The following PANK2 variants were observed in gnomAD, a reference collection of about 807,000 sequenced individuals.
PANK2 encodes the protein pantothenate kinase 2, mitochondrial.
In PANK2, 36 loss-of-function variants were observed where a neutral mutation model predicts 43.1. That is an observed-to-expected ratio of 0.84 (90% confidence interval 0.64 to 1.10). The LOEUF (loss-of-function observed/expected upper bound fraction) is 1.10. Ranked by LOEUF, PANK2 falls within the 50% of genes least tolerant of loss-of-function variation. The pLI, the probability that PANK2 is intolerant of heterozygous loss-of-function variation, is 0.00. For synonymous variants in PANK2, 281 were observed against 238.2 expected (o/e 1.18, Z -1.66); for missense variants, 576 against 593.3 (o/e 0.97, Z 0.30).
chr20:3,898,656 A>G (rs752082257), intron 1 of PANK2, among the ~76,000 whole-genome samples: 1 of 152,070 alleles, frequency 6.6e-6, no homozygotes, highest in Non-Finnish European at 1.5e-5. Context: ...TCCCAGAGTT[A>G]ATAGTTTAAA....
At position 3,923,599 on chromosome 20, in the gene PANK2, G is replaced by A; in HGVS notation, c.*305G>A. 2.2e-6 allele frequency: 1 copy of A among 455,432 alleles called. No homozygotes were observed. Among genetic ancestry groups the A allele is most frequent in the South Asian group, 2.3e-5 (1 of 43,404 alleles). 28.2% of individuals were successfully genotyped at this position (455,432 alleles called of 1,614,324 possible). A position where few individuals can be genotyped will look rare whatever the true frequency, so the allele number is the denominator to read the frequency against. Reference sequence around the variant, plus strand: ...TGCATCACTCATTGGAAGTGCTTCTGAAGAGAGCTGCTCTGTGTTCAGTTG... The same window carrying A: ...TGCATCACTCATTGGAAGTGCTTCTAAAGAGAGCTGCTCTGTGTTCAGTTG... On this transcript the variant is annotated 3_prime_UTR_variant, in exon 7 of 7. Coordinates refer to ENST00000610179, the MANE Select transcript of PANK2 (RefSeq NM_001386393.1).
chr20:3,913,858 G>A (rs903592728), intron 4 of PANK2, among the ~76,000 whole-genome samples: 4 of 147,344 alleles, frequency 2.7e-5, no homozygotes, highest in Admixed American at 6.9e-5. Context: ...GCGTGATCTC[G>A]GCTCACTGCA....
At chr20:3,890,047 G>T (rs1246717087) in intron 1 of PANK2, 5 of 812,590 alleles carry the variant, frequency 6.2e-6, no homozygotes, top group Non-Finnish European at 9.0e-6. Flanking sequence ...CCTCGAGAAG[G>T]CTTCTTTTGA....
chr20:3,926,660 C>T lies in PANK2; in HGVS notation c.*3366C>T. On this transcript the variant is annotated 3_prime_UTR_variant, in exon 7 of 7. Transcript: ENST00000610179. ...AACAGGCTCAGTTCCACTACTTTGG[C>T]CAGGTGCAATGGCTCATGCCTGTAA... 6.5e-6 allele frequency: 1 copy of T among 152,870 alleles called. No individual in the cohort carries two copies. The highest frequency in any genetic ancestry group is 1.5e-5 in the Non-Finnish European group (1 of 68,522). 9.5% of individuals were successfully genotyped at this position (152,870 alleles called of 1,614,324 possible).
At chr20:3,919,685 G>A (rs2090618415) in intron 6 of PANK2, among the ~76,000 whole-genome samples, 1 of 152,198 alleles carries the variant, frequency 6.6e-6, no homozygotes, top group African/African-American at 2.4e-5. Flanking sequence ...GGAAAGGCGT[G>A]TAGGGGTTCT....
At position 3,923,258 on chromosome 20, in the gene PANK2, T is replaced by G; in HGVS notation, c.1347T>G (p.Ala449=). Residue 449 remains alanine, a synonymous_variant, in exon 7 of 7, where the codon GCT becomes GCG. Transcript: ENST00000610179. Reference sequence around the variant, plus strand: ...TTTTCTTTCAGGGTTATTTTGGAGCTGTTGGAGCACTCCTTGAGCTGTTGA... The same window carrying G: ...TTTTCTTTCAGGGTTATTTTGGAGCGGTTGGAGCACTCCTTGAGCTGTTGA... 3.7e-6 allele frequency: 6 copies of G among 1,614,200 alleles called. No individual in the cohort carries two copies. Among genetic ancestry groups the G allele is most frequent in the Non-Finnish European group, 4.2e-6 (5 of 1,180,034 alleles).
In PANK2 at chr20:3,918,993, G is replaced by A. The variant is rs241594; in HGVS notation, c.1332+197G>A. 0.31 allele frequency among the ~76,000 whole-genome samples: 47,810 copies of A among 151,946 alleles called. 7,747 individuals carry two copies. The highest frequency in any genetic ancestry group is 0.39 in the African/African-American group (16,008 of 41,412). ...AGTCTTGGGGCTCACTGCAGCCTCC[G>A]CCTCCTGGGTTCAAGCAGTCCTCCC... On this transcript the variant is annotated intron_variant, in intron 6 of 6. Transcript: ENST00000610179.
chr20:3,914,160 G>A (rs1231243056), intron 4 of PANK2, among the ~76,000 whole-genome samples: 2 of 151,952 alleles, frequency 1.3e-5, no homozygotes, highest in East Asian at 1.9e-4. Context: ...GTCACTTAAT[G>A]TTTAATCTTT....
At chr20:3,902,707 C>G (rs918974542) in intron 1 of PANK2, among the ~76,000 whole-genome samples, 1 of 151,602 alleles carries the variant, frequency 6.6e-6, no homozygotes, top group East Asian at 1.9e-4. Flanking sequence ...AGGTGTGAGT[C>G]ACTGCACCCA....
At chr20:3,893,408 A>G (rs942950463) in intron 1 of PANK2, among the ~76,000 whole-genome samples, 19 of 152,194 alleles carry the variant, frequency 1.2e-4, no homozygotes, top group African/African-American at 4.6e-4. Context: ...TTATTGAGGC[A>G]TAATTAAATA....
intron 1 of PANK2, among the ~76,000 whole-genome samples, chr20:3,905,490 GCGCCCGCCACCA>G (rs1235753454): frequency 1.3e-5 from 2 of 151,636 alleles, no homozygotes; most frequent in African/African-American, 2.4e-5. Context: ...GGGACTACAG[GCGCCCGCCACCA>G]CGCCCGGCTA....
chr20:3,888,967 TG>T, upstream of PANK2: 7 of 687,028 alleles, frequency 1.0e-5, no homozygotes, highest in Admixed American at 3.1e-5. Context: ...GCGGGAGCAC[TG>T]CTGGGCTGGA....
At chr20:3,910,510 T>C (rs2090451862) in intron 2 of PANK2, 67 bp from the exon 3 acceptor site, 1 of 1,572,402 alleles carries the variant, frequency 6.4e-7, no homozygotes, top group Admixed American at 1.7e-5. Flanking sequence ...GGGGATGCCT[T>C]ATTGAATGGA....
intron 1 of PANK2, among the ~76,000 whole-genome samples, chr20:3,896,066 C>CTT (rs1397169940): frequency 5.6e-5 from 8 of 142,254 alleles, no homozygotes; most frequent in Non-Finnish European, 7.7e-5. Flanking sequence ...CTGTGTGTTT[C>CTT]TTTTTTTTTT....
chr20:3,908,556 C>T, intron 2 of PANK2: 3 of 431,112 alleles, frequency 7.0e-6, no homozygotes, highest in Non-Finnish European at 1.3e-5. Context: ...AAGAAACTAC[C>T]TAAAAGGAAC....
chr20:3,893,924 G>GTTT lies in PANK2; in HGVS notation c.298+4200_298+4202dup, dbSNP rs1046729224. 1.4e-4 allele frequency among the ~76,000 whole-genome samples: 18 copies of GTTT among 124,922 alleles called. 1 individual carries two copies. The highest frequency in any genetic ancestry group is 4.3e-4 in the African/African-American group (13 of 30,546). The allele number at this position is 124,922 out of a possible 152,430, so 82.0% of individuals were successfully genotyped here. On this transcript the variant is annotated intron_variant, in intron 1 of 6. Coordinates refer to ENST00000610179, the MANE Select transcript of PANK2 (RefSeq NM_001386393.1). Reference sequence around the variant, plus strand: ...CAAGATGGGAGTTTTTTTTTTGTTTGTTTTTTGTTTTTTTTTTTTTTTTTT... The same window carrying GTTT: ...CAAGATGGGAGTTTTTTTTTTGTTTGTTTTTTTTTGTTTTTTTTTTTTTTTTTT...
intron 1 of PANK2, among the ~76,000 whole-genome samples, chr20:3,903,366 T>C (rs955884087): frequency 3.4e-4 from 52 of 151,848 alleles, no homozygotes; most frequent in African/African-American, 1.2e-3. Flanking sequence ...TAGTCTGGTC[T>C]TGAATTCCTG....
chr20:3,907,999 T>G lies in PANK2; in HGVS notation c.372T>G (p.Thr124=). Reference sequence around the variant, plus strand: ...TATATTTTGAACCCAAAGACATCACTGCTGAAGAAGAAGAGGAAGAAGTGG... The same window carrying G: ...TATATTTTGAACCCAAAGACATCACGGCTGAAGAAGAAGAGGAAGAAGTGG... The change falls in exon 2 of 7, where the codon ACT becomes ACG. Residue 124 remains threonine, a synonymous_variant. Coordinates refer to ENST00000610179, the MANE Select transcript of PANK2 (RefSeq NM_001386393.1). The G allele has an allele frequency of 6.2e-7, 1 of 1,614,200 alleles. No individual in the cohort carries two copies. The highest frequency in any genetic ancestry group is 1.1e-5 in the South Asian group (1 of 91,090).
chr20:3,902,347 T>C (rs2090315339), intron 1 of PANK2, among the ~76,000 whole-genome samples: 1 of 151,730 alleles, frequency 6.6e-6, no homozygotes, highest in Non-Finnish European at 1.5e-5. Flanking sequence ...TTTTTTATTT[T>C]TGAGACGGAA....
Sources: allele counts gnomAD v4.1 joint callset (sites outside exome capture counted in the v4.1 genomes callset), GRCh38; gene constraint gnomAD v4.1.1; transcripts MANE v1.5; gene names NCBI Gene and HGNC (gene_info 2026-07-23, HGNC 2026-07-21).